LMO7: variants seen among roughly 807,000 people sequenced by gnomAD.
LMO7 encodes LIM domain only protein 7.
In LMO7, 120 loss-of-function variants were observed where a neutral mutation model predicts 206.5. The observed-to-expected ratio is 0.58, with a 90% CI of 0.50 to 0.68. The LOEUF is 0.68. LMO7 is among the 30% of genes least tolerant of loss of function. The pLI is 0.00. For synonymous variants in LMO7, 706 were observed against 681.5 expected (o/e 1.04, Z -0.56); for missense variants, 1,959 against 1,957.9 (o/e 1.00, Z -0.01).
At position 75,689,532 on chromosome 13, in the gene LMO7, T is replaced by C. The variant is rs2041283446; in HGVS notation, c.70-23650T>C. ...CTGTGAGGGTGGTGCCAAAGGAGAT[T>C]AACATTTGAGTCAGTGGGCTGGGAG... On this transcript the variant is annotated intron_variant, in intron 1 of 30. Coordinates refer to ENST00000377534, the MANE Select transcript of LMO7 (RefSeq NM_001306080.2). 2.6e-5 allele frequency among the ~76,000 whole-genome samples: 4 copies of C among 152,132 alleles called. No individual in the cohort carries two copies. In the East Asian group the frequency reaches 7.7e-4, roughly 29 times the overall value.
At chr13:75,832,973 C>G (rs1397878335) in intron 15 of LMO7, 78 bp from the exon 16 acceptor site, 4 of 770,692 alleles carry the variant, frequency 5.2e-6, no homozygotes, top group Non-Finnish European at 9.4e-6. Flanking sequence ...CGTGCAGTCT[C>G]CCTCCTTTCA....
rs376762553 is a variant in LMO7, at chr13:75,801,509, T to C, written c.661+627T>C. On this transcript the variant is annotated intron_variant, in intron 7 of 30. Coordinates refer to ENST00000377534, the MANE Select transcript of LMO7 (RefSeq NM_001306080.2). ...GGACAGAGCAAGTGTGAAAGGAACA[T>C]GTTAGAGACATTCTGTTGCGGGAAG... Among the ~76,000 whole-genome samples, 9 of 152,160 alleles carry C rather than the reference T, an allele frequency of 5.9e-5. No homozygotes were observed. The East Asian group carries it at 9.6e-4, about 16-fold the overall frequency.
chr13:75,792,111 A>T (rs1467904498), intron 4 of LMO7, among the ~76,000 whole-genome samples: 1 of 152,014 alleles, frequency 6.6e-6, no homozygotes, highest in Non-Finnish European at 1.5e-5. Context: ...TGGAACTATA[A>T]GCATGTGCTA....
intron 4 of LMO7, among the ~76,000 whole-genome samples, chr13:75,790,472 G>T (rs571381462): frequency 6.6e-6 from 1 of 152,102 alleles, no homozygotes; most frequent in East Asian, 1.9e-4. Context: ...CCAAAGTCCC[G>T]CACTCAACCA....
intron 3 of LMO7, among the ~76,000 whole-genome samples, chr13:75,749,264 G>A (rs1037804969): frequency 2.6e-5 from 4 of 152,120 alleles, no homozygotes; most frequent in Non-Finnish European, 5.9e-5. Flanking sequence ...TGTTAAATAC[G>A]TGTTAGTGCT....
In LMO7 at chr13:75,707,752, T is replaced by A. The variant is rs191827613; in HGVS notation, c.70-5430T>A. ...GTTTAGTTTTTATATTGTCTTTTTT[T>A]AAAAAAATATATAAATACTGTACAA... On this transcript the variant is annotated intron_variant, in intron 1 of 30. Coordinates refer to ENST00000377534, the MANE Select transcript of LMO7 (RefSeq NM_001306080.2). Among the ~76,000 whole-genome samples, 643 of 152,142 alleles carry A rather than the reference T, an allele frequency of 4.2e-3. 5 individuals carry two copies. Among genetic ancestry groups the A allele is most frequent in the African/African-American group, 0.014 (593 of 41,536 alleles).
intron 11 of LMO7, among the ~76,000 whole-genome samples, chr13:75,813,579 G>A (rs2056669834): frequency 6.6e-6 from 1 of 152,150 alleles, no homozygotes; most frequent in African/African-American, 2.4e-5. Flanking sequence ...GTACCCTAGG[G>A]AGTGAACTGT....
chr13:75,678,984 G>A (rs1053454360), intron 1 of LMO7, among the ~76,000 whole-genome samples: 5 of 152,150 alleles, frequency 3.3e-5, no homozygotes, highest in African/African-American at 4.8e-5. Flanking sequence ...TGTTTGTTGT[G>A]CTCAGCGTCT....
intron 1 of LMO7, among the ~76,000 whole-genome samples, chr13:75,694,150 G>T (rs2041721044): frequency 6.6e-6 from 1 of 152,236 alleles, no homozygotes; most frequent in Non-Finnish European, 1.5e-5. Flanking sequence ...GAGAAGATGA[G>T]CAGATGATGA....
chr13:75,651,092 G>C (rs2037509095), intron 1 of LMO7, among the ~76,000 whole-genome samples: 1 of 152,182 alleles, frequency 6.6e-6, no homozygotes, highest in African/African-American at 2.4e-5. Flanking sequence ...TGTAAGTCTT[G>C]AAAGGTATAA....
At position 75,821,261 on chromosome 13, in the gene LMO7, C is replaced by T. The variant is rs1448419080; in HGVS notation, c.2292C>T (p.Pro764=). The part of the protein sequence containing the change: ...FDDVLEEGKR[P]PTMTVSEASY... ...ATGTGCTGGAGGAAGGAAAGCGACCCCCTACAATGACTGTGTCAGAAGCAA... is the reference window on the plus strand; with the variant it reads ...ATGTGCTGGAGGAAGGAAAGCGACCTCCTACAATGACTGTGTCAGAAGCAA... Residue 764 remains proline (P), a synonymous_variant, in exon 14 of 31, where the codon CCC becomes CCT. Coordinates refer to ENST00000377534, the MANE Select transcript of LMO7 (RefSeq NM_001306080.2). The T allele has an allele frequency of 1.2e-5, 19 of 1,613,776 alleles. No individual in the cohort carries two copies. Among genetic ancestry groups the T allele is most frequent in the Non-Finnish European group, 1.6e-5 (19 of 1,179,814 alleles).
upstream of LMO7, chr13:75,631,877 G>T (rs59248213): frequency 1.3e-5 from 2 of 152,066 alleles, no homozygotes; most frequent in African/African-American, 4.8e-5. Flanking sequence ...GTCTACCGCC[G>T]TTACTCATTC....
chr13:75,659,290 A>T (rs1283229646), intron 1 of LMO7, among the ~76,000 whole-genome samples: 1 of 152,226 alleles, frequency 6.6e-6, no homozygotes, highest in Non-Finnish European at 1.5e-5. Flanking sequence ...GGCATTTACT[A>T]AAAGTGTGTG....
chr13:75,691,489 AG>A (rs1321376961), intron 1 of LMO7, among the ~76,000 whole-genome samples: 5 of 152,162 alleles, frequency 3.3e-5, no homozygotes, highest in Admixed American at 6.6e-5. Flanking sequence ...TTTCATCATC[AG>A]CCTGAACACT....
At chr13:75,728,941 T>C (rs553047708) in intron 3 of LMO7, among the ~76,000 whole-genome samples, 260 of 151,030 alleles carry the variant, frequency 1.7e-3, no homozygotes, top group African/African-American at 6.2e-3. Context: ...GTTGTAGATA[T>C]GCAGCATTAT....
chr13:75,732,735 T>C (rs2045377960), intron 3 of LMO7, among the ~76,000 whole-genome samples: 1 of 152,228 alleles, frequency 6.6e-6, no homozygotes, highest in Non-Finnish European at 1.5e-5. Flanking sequence ...TCTGCTGTTT[T>C]TTCCCCATCT....
chr13:75,690,190 C>T (rs1381641499), intron 1 of LMO7, among the ~76,000 whole-genome samples: 2 of 152,028 alleles, frequency 1.3e-5, no homozygotes, highest in Non-Finnish European at 2.9e-5. Context: ...TCATCTTAGC[C>T]TCCTTAGTAG....
intron 28 of LMO7, chr13:75,855,032 A>G (rs960113744): frequency 5.1e-5 from 23 of 453,832 alleles, no homozygotes; most frequent in Admixed American, 1.8e-4. Context: ...GAAATTGCTC[A>G]TTTATGTGAA....
intron 25 of LMO7, among the ~76,000 whole-genome samples, chr13:75,844,132 T>A (rs1463255137): frequency 6.6e-6 from 1 of 152,152 alleles, no homozygotes; most frequent in African/African-American, 2.4e-5. Flanking sequence ...TAAGGAAGCC[T>A]GGAAAATATG....
Sources: allele counts gnomAD v4.1 joint callset (sites outside exome capture counted in the v4.1 genomes callset), GRCh38; gene constraint gnomAD v4.1.1; transcripts MANE v1.5; gene names NCBI Gene and HGNC (gene_info 2026-07-23, HGNC 2026-07-21).